The following LINGO1 variants were observed in gnomAD, a reference collection of about 807,000 sequenced individuals.
LINGO1 encodes the protein leucine-rich repeat and immunoglobulin-like domain-containing nogo receptor-interacting protein 1.
In LINGO1, 11 loss-of-function variants were observed where a neutral mutation model predicts 37.3. The observed-to-expected ratio is 0.29, with a 90% confidence interval of 0.19 to 0.49. LINGO1 has a LOEUF of 0.49. Among genes scored for constraint, LINGO1 ranks in the 20% least tolerant of loss-of-function variants. The pLI is 0.99. For synonymous variants in LINGO1, 387 were observed against 403.0 expected, an observed-to-expected ratio of 0.96 and a Z score of 0.48; for missense variants, 585 against 878.2, an observed-to-expected ratio of 0.67 and a Z score of 4.22.
intron 2 of LINGO1, among the ~76,000 whole-genome samples, chr15:77,733,289 A>G (rs1293873024): frequency 6.6e-6 from 1 of 152,232 alleles, no homozygotes; most frequent in Admixed American, 6.5e-5. Flanking sequence ...AGGAGAGGGA[A>G]GAGGGCATGT....
chr15:77,818,465 G>A (rs1285078593), intron 1 of LINGO1, among the ~76,000 whole-genome samples: 1 of 152,226 alleles, frequency 6.6e-6, no homozygotes, highest in Non-Finnish European at 1.5e-5. Context: ...GAGGCACGCG[G>A]GGGCATGGCT....
chr15:77,681,971 A>C (rs1016657187), intron 2 of LINGO1, among the ~76,000 whole-genome samples: 2 of 152,078 alleles, frequency 1.3e-5, no homozygotes, highest in Admixed American at 1.3e-4. Context: ...GGTTTCCAGG[A>C]TGGGGAAGCT....
intron 1 of LINGO1, among the ~76,000 whole-genome samples, chr15:77,740,786 C>T (rs1182785628): frequency 6.6e-6 from 1 of 152,116 alleles, no homozygotes; most frequent in Non-Finnish European, 1.5e-5. Flanking sequence ...GAGGTGGGCA[C>T]CTAAAGACCG....
chr15:77,776,538 G>GGAAAGCAGGAAGGCAGGAAAGC, intron 1 of LINGO1, among the ~76,000 whole-genome samples: 1 of 34,358 alleles, frequency 2.9e-5, no homozygotes, highest in East Asian at 7.3e-4. Flanking sequence ...GGGAGGGAGG[G>GGAAAGCAGGAAGGCAGGAAAGC]AGGGAGGGAG....
At chr15:77,784,458 A>T (rs2076752360) in intron 1 of LINGO1, among the ~76,000 whole-genome samples, 1 of 152,246 alleles carries the variant, frequency 6.6e-6, no homozygotes, top group African/African-American at 2.4e-5. Context: ...CAGCAAAGGT[A>T]GCTTCCCTTT....
At chr15:77,640,050 C>T (rs747897943) in intron 3 of LINGO1, among the ~76,000 whole-genome samples, 15 of 152,206 alleles carry the variant, frequency 9.9e-5, no homozygotes, top group Non-Finnish European at 1.5e-4. Context: ...CACACAGAAT[C>T]CAGGGAGATA....
chr15:77,741,658 C>G (rs1310097412), intron 1 of LINGO1, among the ~76,000 whole-genome samples: 1 of 152,188 alleles, frequency 6.6e-6, no homozygotes, highest in Non-Finnish European at 1.5e-5. Flanking sequence ...ACCGCTTGAC[C>G]TTGTGGTTCC....
At chr15:77,686,918 T>C (rs1363394360) in intron 2 of LINGO1, among the ~76,000 whole-genome samples, 1 of 152,228 alleles carries the variant, frequency 6.6e-6, no homozygotes, top group Non-Finnish European at 1.5e-5. Flanking sequence ...CTGATTCCTC[T>C]AGGCAATCCC....
At chr15:77,782,406 G>T (rs2076728846) in intron 1 of LINGO1, among the ~76,000 whole-genome samples, 1 of 152,150 alleles carries the variant, frequency 6.6e-6, no homozygotes, top group Admixed American at 6.5e-5. Context: ...ACTGCGGTGA[G>T]CCCCTCAGTG....
chr15:77,732,029 C>G (rs1050163702), intron 2 of LINGO1, among the ~76,000 whole-genome samples: 1 of 152,240 alleles, frequency 6.6e-6, no homozygotes, highest in Non-Finnish European at 1.5e-5. Flanking sequence ...ACAATCACAA[C>G]TCCACTGACA....
rs571884758 is a variant in LINGO1, at chr15:77,716,007, T to C, written c.-195+18985A>G. 2.6e-5 allele frequency among the ~76,000 whole-genome samples: 4 copies of C among 152,272 alleles called. No homozygotes were observed. The South Asian group carries it at 8.3e-4, about 32-fold the overall frequency. On this transcript the variant is annotated intron_variant, in intron 2 of 3. Transcript: ENST00000561686. Reference sequence around the variant, plus strand: ...TGTGTCCTGCAATAATGACGACAAATACTTAACATGCATTTACTATGTGCC... The same window carrying C: ...TGTGTCCTGCAATAATGACGACAAACACTTAACATGCATTTACTATGTGCC...
At chr15:77,719,884 A>T (rs11634669) in intron 2 of LINGO1, among the ~76,000 whole-genome samples, 1 of 103,786 alleles carries the variant, frequency 9.6e-6, no homozygotes, top group Non-Finnish European at 2.2e-5. Flanking sequence ...GCATACACAC[A>T]CATACACACA....
At chr15:77,755,618 T>C (rs1288365974) in intron 1 of LINGO1, among the ~76,000 whole-genome samples, 1 of 152,224 alleles carries the variant, frequency 6.6e-6, no homozygotes, top group Admixed American at 6.5e-5. Flanking sequence ...GCTATCATTG[T>C]TTATGTTACA....
At chr15:77,713,249 T>TGTGTGC (rs1567541615) in intron 2 of LINGO1, among the ~76,000 whole-genome samples, 3 of 136,772 alleles carry the variant, frequency 2.2e-5, no homozygotes, top group African/African-American at 7.8e-5. Flanking sequence ...TGTGTGTGTG[T>TGTGTGC]GTGTGTGTTG....
chr15:77,764,742 G>A (rs1053145409), intron 1 of LINGO1, among the ~76,000 whole-genome samples: 1 of 152,162 alleles, frequency 6.6e-6, no homozygotes, highest in African/African-American at 2.4e-5. Flanking sequence ...GCAAGCACTG[G>A]GGGGAACGAT....
chr15:77,641,100 G>A (rs928300559), intron 3 of LINGO1, among the ~76,000 whole-genome samples: 12 of 152,210 alleles, frequency 7.9e-5, no homozygotes, highest in African/African-American at 2.9e-4. Flanking sequence ...AGAACAGCAG[G>A]TGCAAAGGCT....
At chr15:77,791,696 C>G (rs2076819897), upstream of LINGO1, among the ~76,000 whole-genome samples, 1 of 152,056 alleles carries the variant, frequency 6.6e-6, no homozygotes, top group Non-Finnish European at 1.5e-5. Flanking sequence ...CTGGCCTGCT[C>G]CAGACTCACC....
intron 1 of LINGO1, among the ~76,000 whole-genome samples, chr15:77,804,753 G>A (rs758365816): frequency 2.0e-5 from 3 of 152,190 alleles, no homozygotes; most frequent in Non-Finnish European, 2.9e-5. Context: ...CTTCCCAGCT[G>A]CAGCAGGCTA....
intron 2 of LINGO1, among the ~76,000 whole-genome samples, chr15:77,704,206 G>C (rs1750147184): frequency 1.3e-5 from 2 of 152,142 alleles, no homozygotes. Flanking sequence ...GGCTCAGAGA[G>C]GTGGCATCAG....
Sources: gnomAD v4.1 joint callset for allele counts (sites outside exome capture counted in the v4.1 genomes callset) on GRCh38, gnomAD v4.1.1 for gene constraint, MANE v1.5 for transcripts, NCBI Gene and HGNC (gene_info 2026-07-23, HGNC 2026-07-21) for gene names.